Variants in NALF1 observed in about 807,000 individuals in gnomAD.
NALF1 encodes the protein family with sequence similarity 155 member A.
Under a neutral mutation model 48.4 loss-of-function variants are expected in NALF1, and 3 were observed. The observed-to-expected ratio is 0.06, with a 90% CI of 0.03 to 0.16. The LOEUF (loss-of-function observed/expected upper bound fraction) is 0.16. Ranked by LOEUF, NALF1 falls within the 10% of genes least tolerant of loss-of-function variation. The pLI is 1.00. For synonymous variants in NALF1, 262 were observed against 245.7 expected (o/e 1.07, Z -0.62); for missense variants, 526 against 571.5 (o/e 0.92, Z 0.81).
rs1477713913 is a variant in NALF1 at position 107,169,867 on chromosome 13, G to A, written c.*630C>T. 6.5e-6 allele frequency: 1 copy of A among 152,796 alleles called. No homozygotes were observed. The highest frequency in any genetic ancestry group is 2.4e-5 in the African/African-American group (1 of 41,460). The allele number at this position is 152,796 out of a possible 1,614,324, so 9.5% of individuals were successfully genotyped here. A position where few individuals can be genotyped will look rare whatever the true frequency, so the allele number is the denominator to read the frequency against. The stretch of plus-strand genomic sequence containing the variant: ...AGCAAGCGGATGTTGTTTGCTTAGG[G>A]GACGAGAAGAGGGCGAGGGAAAGGA... On this transcript the variant is annotated 3_prime_UTR_variant, in exon 3 of 3. Transcript: ENST00000375915.
At chr13:107,621,477 C>T (rs1372426030) in intron 1 of NALF1, among the ~76,000 whole-genome samples, 3 of 152,144 alleles carry the variant, frequency 2.0e-5, no homozygotes, top group Non-Finnish European at 4.4e-5. Flanking sequence ...ACTATTAAGT[C>T]ATCAGAAGAA....
At chr13:107,443,033 A>G (rs1031879758) in intron 1 of NALF1, among the ~76,000 whole-genome samples, 3 of 152,246 alleles carry the variant, frequency 2.0e-5, no homozygotes, top group Admixed American at 6.5e-5. Flanking sequence ...GCATTATAAT[A>G]ATTCATATTA....
At chr13:107,411,305 T>TG (rs1491416401) in intron 1 of NALF1, among the ~76,000 whole-genome samples, 2 of 101,648 alleles carry the variant, frequency 2.0e-5, no homozygotes, top group Middle Eastern at 5.1e-3. Context: ...AATCTTGTTT[T>TG]TTTTTTTTTT....
At chr13:107,178,761 G>A (rs557597383) in intron 2 of NALF1, among the ~76,000 whole-genome samples, 82 of 151,612 alleles carry the variant, frequency 5.4e-4, no homozygotes, top group African/African-American at 1.9e-3. Flanking sequence ...GGTTTACACC[G>A]TGAAACCCCG....
intron 1 of NALF1, among the ~76,000 whole-genome samples, chr13:107,398,929 A>G (rs1238939041): frequency 6.6e-6 from 1 of 152,184 alleles, no homozygotes; most frequent in Non-Finnish European, 1.5e-5. Context: ...TGAATTCAAA[A>G]GATTATAAGG....
intron 1 of NALF1, among the ~76,000 whole-genome samples, chr13:107,420,817 A>G (rs540345149): frequency 6.6e-6 from 1 of 152,276 alleles, no homozygotes; most frequent in East Asian, 1.9e-4. Context: ...AATAACATAC[A>G]TTGTATCCAT....
intron 1 of NALF1, among the ~76,000 whole-genome samples, chr13:107,599,113 T>C (rs1212135746): frequency 1.3e-5 from 2 of 152,216 alleles, no homozygotes; most frequent in Non-Finnish European, 2.9e-5. Flanking sequence ...GGAATTTCTT[T>C]AGACATGATT....
intron 1 of NALF1, among the ~76,000 whole-genome samples, chr13:107,699,389 G>A (rs76291250): frequency 5.9e-5 from 9 of 152,040 alleles, no homozygotes; most frequent in Non-Finnish European, 1.2e-4. Context: ...AATAGAAAAC[G>A]GGTGTTCCAT....
At chr13:107,605,319 T>TA (rs1013057598) in intron 1 of NALF1, among the ~76,000 whole-genome samples, 4 of 152,202 alleles carry the variant, frequency 2.6e-5, no homozygotes, top group Non-Finnish European at 4.4e-5. Flanking sequence ...ATTAAATATG[T>TA]AATACATCCT....
At chr13:107,641,762 C>A (rs147585570) in intron 1 of NALF1, among the ~76,000 whole-genome samples, 1 of 152,244 alleles carries the variant, frequency 6.6e-6, no homozygotes, top group Non-Finnish European at 1.5e-5. Context: ...CAACCTGAAC[C>A]GTGGCTGGGG....
chr13:107,545,596 T>C (rs1405385855), intron 1 of NALF1, among the ~76,000 whole-genome samples: 2 of 151,790 alleles, frequency 1.3e-5, no homozygotes, highest in Non-Finnish European at 2.9e-5. Context: ...ACCCATAGGG[T>C]CAGAGCAGAT....
In NALF1 at chr13:107,630,687, C is replaced by T. The variant is rs1311080391; in HGVS notation, c.915+234995G>A. Among the ~76,000 whole-genome samples the T allele has an allele frequency of 2.6e-5, 4 of 152,078 alleles. No homozygotes were observed. In the East Asian group the frequency reaches 7.7e-4, roughly 29 times the overall value. On this transcript the variant is annotated intron_variant, in intron 1 of 2. Coordinates refer to ENST00000375915, the MANE Select transcript of NALF1 (RefSeq NM_001080396.3). ...TTGCATATACAGGTATGATCTAAAT[C>T]TGGCATAAAAAGGCAGCCGTTTGAA...
At chr13:107,371,653 G>C (rs1415583433) in intron 1 of NALF1, among the ~76,000 whole-genome samples, 1 of 152,044 alleles carries the variant, frequency 6.6e-6, no homozygotes, top group Non-Finnish European at 1.5e-5. Flanking sequence ...TAGTCAATTA[G>C]TAGTTATCAT....
In NALF1 at chr13:107,660,611, A is replaced by T. The variant is rs147248317; in HGVS notation, c.915+205071T>A. On this transcript the variant is annotated intron_variant, in intron 1 of 2. Coordinates refer to ENST00000375915, the MANE Select transcript of NALF1 (RefSeq NM_001080396.3). ...TGGCCATGATCTGAGAAAATTATCAAATCTACAGTTAAAAAGCATGATTTT... is the reference window on the plus strand; with the variant it reads ...TGGCCATGATCTGAGAAAATTATCATATCTACAGTTAAAAAGCATGATTTT... 2.6e-4 allele frequency among the ~76,000 whole-genome samples: 39 copies of T among 152,322 alleles called. No homozygotes were observed. The East Asian group carries it at 7.5e-3, about 29-fold the overall frequency.
At chr13:107,628,031 T>A (rs1879726947) in intron 1 of NALF1, among the ~76,000 whole-genome samples, 1 of 152,292 alleles carries the variant, frequency 6.6e-6, no homozygotes, top group Admixed American at 6.5e-5. Flanking sequence ...TATGCACTCA[T>A]AAATCTGAAA....
At chr13:107,427,443 A>AATTTT (rs144748117) in intron 1 of NALF1, among the ~76,000 whole-genome samples, 51,301 of 151,410 alleles carry the variant, frequency 0.34, 8,918 homozygotes, top group African/African-American at 0.44. Context: ...TGTTTGGAAG[A>AATTTT]ATTTTATTTT....
At chr13:107,710,243 A>C (rs1875524301) in intron 1 of NALF1, among the ~76,000 whole-genome samples, 1 of 152,144 alleles carries the variant, frequency 6.6e-6, no homozygotes, top group African/African-American at 2.4e-5. Flanking sequence ...GACATACCAA[A>C]CCTCTCGGTA....
intron 1 of NALF1, among the ~76,000 whole-genome samples, chr13:107,409,673 T>C (rs12100150): frequency 0.054 from 8,195 of 152,236 alleles, 371 homozygotes; most frequent in African/African-American, 0.13. Flanking sequence ...ACAATCACAA[T>C]GACCAATCAA....
rs76856666 is a variant in NALF1 at position 107,635,011 on chromosome 13, C to T, written c.915+230671G>A. ...TATTTGTAAATTACCTTTTCTACTTCCTATTAATCTACATCACAAGCATTA... is the reference window on the plus strand; with the variant it reads ...TATTTGTAAATTACCTTTTCTACTTTCTATTAATCTACATCACAAGCATTA... On this transcript the variant is annotated intron_variant, in intron 1 of 2. Coordinates refer to ENST00000375915, the MANE Select transcript of NALF1 (RefSeq NM_001080396.3). Among the ~76,000 whole-genome samples, 3,248 of 152,182 alleles carry T rather than the reference C, an allele frequency of 0.021. 206 individuals are homozygous for T. In the East Asian group the frequency reaches 0.23, roughly 11 times the overall value.
Sources: allele counts gnomAD v4.1 joint callset (sites outside exome capture counted in the v4.1 genomes callset), GRCh38; gene constraint gnomAD v4.1.1; transcripts MANE v1.5; gene names NCBI Gene and HGNC (gene_info 2026-07-23, HGNC 2026-07-21).